The following RP1 variants were observed in gnomAD, a reference collection of about 807,000 sequenced individuals.
RP1 encodes oxygen-regulated protein 1.
RP1 carries 16 observed loss-of-function variants against 14.8 expected under a neutral mutation model. That is an observed-to-expected ratio of 1.08 (90% CI 0.73 to 1.65). RP1 has a LOEUF of 1.65. RP1 is among the 40% of genes most tolerant of loss of function. RP1 has a pLI of 0.00. For synonymous variants in RP1, 876 were observed against 883.6 expected (o/e 0.99, Z 0.15); for missense variants, 2,631 against 2,535.0 (o/e 1.04, Z -0.81).
intron 23 of RP1, among the ~76,000 whole-genome samples, chr8:54,781,360 A>AT (rs1368577530): frequency 1.3e-5 from 2 of 152,204 alleles, no homozygotes; most frequent in Admixed American, 1.3e-4. Context: ...AGATGACAAC[A>AT]TTTTTTGATA....
chr8:54,559,887 G>T (rs1263557076), intron 1 of RP1, among the ~76,000 whole-genome samples: 2 of 152,174 alleles, frequency 1.3e-5, no homozygotes, highest in East Asian at 1.9e-4. Flanking sequence ...GATGAGATGG[G>T]GTGGGGACAT....
At chr8:54,809,928 G>A (rs1382061431) in intron 24 of RP1, among the ~76,000 whole-genome samples, 1 of 152,194 alleles carries the variant, frequency 6.6e-6, no homozygotes, top group Non-Finnish European at 1.5e-5. Flanking sequence ...ATTTTAATAA[G>A]TCAGTATTGC....
intron 3 of RP1, among the ~76,000 whole-genome samples, chr8:54,642,097 T>G (rs1239687790): frequency 1.3e-5 from 2 of 152,222 alleles, no homozygotes; most frequent in Non-Finnish European, 2.9e-5. Context: ...ATTAAAGATT[T>G]TTCTAGCCTG....
intron 1 of RP1, among the ~76,000 whole-genome samples, chr8:54,568,243 A>G (rs867161166): frequency 1.7e-4 from 26 of 152,184 alleles, no homozygotes; most frequent in African/African-American, 6.3e-4. Context: ...TGACATGGTG[A>G]CAGGTGGCTG....
intron 24 of RP1, among the ~76,000 whole-genome samples, chr8:54,788,138 G>A (rs550338701): frequency 6.6e-6 from 1 of 152,304 alleles, no homozygotes; most frequent in African/African-American, 2.4e-5. Context: ...ATGAAGGCAG[G>A]AAGGCAGCTT....
intron 8 of RP1, among the ~76,000 whole-genome samples, chr8:54,676,543 T>A (rs1807298998): frequency 6.6e-6 from 1 of 152,188 alleles, no homozygotes; most frequent in African/African-American, 2.4e-5. Context: ...TGATTACTGC[T>A]TTAAATACCT....
rs148418248 is a variant in RP1, at chr8:54,611,076, C to A, written c.-12-9879C>A. The stretch of plus-strand genomic sequence containing the variant: ...TATATCATACTGTGCCTTCTGGCCT[C>A]CAAGGTTTCTAATGAGAAACTGGTG... On this transcript the variant is annotated intron_variant, in intron 1 of 22. Coordinates refer to the RP1 transcript ENST00000636932. Among the ~76,000 whole-genome samples the A allele has an allele frequency of 5.9e-5, 9 of 152,256 alleles. 1 individual carries two copies. Among genetic ancestry groups the A allele is most frequent in the Admixed American group, 5.9e-4 (9 of 15,292 alleles).
At position 54,626,801 on chromosome 8, in the gene RP1, G is replaced by A. The variant is rs1391900741; in HGVS notation, c.2919G>A (p.Lys973=). The change falls in exon 4 of 4, where the codon AAG becomes AAA. Residue 973 remains lysine (K), a synonymous_variant. Transcript: ENST00000220676. ...GTAATTTTGTTATGGAAAGTAATAA[G>A]CACATAACTAAAATTGCCGGTTTGA... is the stretch of plus-strand genomic sequence containing the variant. The part of the protein sequence containing the change: ...KISNFVMESN[K]HITKIAGLTG... 1 of 1,613,692 alleles carries A rather than the reference G, an allele frequency of 6.2e-7. No individual in the cohort carries two copies. The highest frequency in any genetic ancestry group is 8.5e-7 in the Non-Finnish European group (1 of 1,179,882).
chr8:54,819,084 T>C (rs910317633), intron 24 of RP1, among the ~76,000 whole-genome samples: 1 of 152,106 alleles, frequency 6.6e-6, no homozygotes, highest in Non-Finnish European at 1.5e-5. Flanking sequence ...TTCCTCCTTT[T>C]TAAGACCAAT....
At chr8:54,592,316 A>C (rs1271831984) in intron 1 of RP1, among the ~76,000 whole-genome samples, 1 of 152,036 alleles carries the variant, frequency 6.6e-6, no homozygotes, top group East Asian at 1.9e-4. Flanking sequence ...TGTGGAATTC[A>C]TTTTCTGGTT....
intron 24 of RP1, among the ~76,000 whole-genome samples, chr8:54,830,600 A>G (rs1381883115): frequency 6.6e-6 from 1 of 152,040 alleles, no homozygotes; most frequent in East Asian, 1.9e-4. Flanking sequence ...TACAGTTTTT[A>G]TATATAGCAT....
intron 1 of RP1, among the ~76,000 whole-genome samples, chr8:54,578,031 C>T (rs567121335): frequency 1.3e-5 from 2 of 151,934 alleles, no homozygotes; most frequent in Admixed American, 1.3e-4. Context: ...ATGTGCCATG[C>T]TGGTGTGCTG....
chr8:54,825,064 G>T (rs1005812466), intron 24 of RP1, among the ~76,000 whole-genome samples: 4 of 151,974 alleles, frequency 2.6e-5, no homozygotes, highest in African/African-American at 9.7e-5. Flanking sequence ...CCGCCTCCCG[G>T]GTTCACGCCA....
chr8:54,664,946 T>A (rs889619052), intron 7 of RP1, among the ~76,000 whole-genome samples: 3 of 152,130 alleles, frequency 2.0e-5, no homozygotes, highest in African/African-American at 7.2e-5. Context: ...TCACACAATA[T>A]ACCCGGTTAA....
At chr8:54,694,316 G>T (rs1807799572) in intron 12 of RP1, among the ~76,000 whole-genome samples, 1 of 152,154 alleles carries the variant, frequency 6.6e-6, no homozygotes, top group African/African-American at 2.4e-5. Flanking sequence ...TTTGGTATCA[G>T]GATGATGCTG....
chr8:54,845,259 C>T (rs1015117134), intron 25 of RP1, among the ~76,000 whole-genome samples: 1 of 152,186 alleles, frequency 6.6e-6, no homozygotes, highest in Non-Finnish European at 1.5e-5. Context: ...AAGGGTGCAG[C>T]TCTGGGTGAG....
intron 19 of RP1, chr8:54,739,113 AT>A: frequency 1.1e-6 from 1 of 917,532 alleles, no homozygotes; most frequent in Non-Finnish European, 1.6e-6. Flanking sequence ...TGAAAACGGT[AT>A]TTTCCTAATT....
chr8:54,666,741 A>T (rs1807026916), intron 7 of RP1, among the ~76,000 whole-genome samples: 1 of 151,788 alleles, frequency 6.6e-6, no homozygotes, highest in Admixed American at 6.6e-5. Context: ...TGGAAGTTAG[A>T]TAATTTTCCT....
intron 18 of RP1, among the ~76,000 whole-genome samples, chr8:54,736,424 C>A (rs889870631): frequency 1.3e-5 from 2 of 152,146 alleles, no homozygotes; most frequent in Non-Finnish European, 2.9e-5. Context: ...GACTGATTAT[C>A]CTTACTAATC....
Sources: gnomAD v4.1 joint callset for allele counts (sites outside exome capture counted in the v4.1 genomes callset) on GRCh38, gnomAD v4.1.1 for gene constraint, MANE v1.5 for transcripts, NCBI Gene and HGNC (gene_info 2026-07-23, HGNC 2026-07-21) for gene names.